HAVCR1: variants seen among roughly 807,000 people sequenced by gnomAD.
HAVCR1 encodes the protein T cell immunoglobin domain and mucin domain protein 1.
In HAVCR1, 34 loss-of-function variants were observed where a neutral mutation model predicts 32.0. That is an observed-to-expected ratio of 1.06 (90% CI 0.81 to 1.42). The LOEUF is 1.42. Among genes scored for constraint, HAVCR1 ranks in the 40% most tolerant of loss-of-function variants. HAVCR1 has a pLI of 0.00. For synonymous variants in HAVCR1, 178 were observed against 170.3 expected (o/e 1.05, Z -0.35); for missense variants, 420 against 442.3 (o/e 0.95, Z 0.45).
chr5:157,068,049 A>G, the HAVCR1 span, among the ~76,000 whole-genome samples: 1 of 152,026 alleles, frequency 6.6e-6, no homozygotes, highest in Non-Finnish European at 1.5e-5. Flanking sequence ...AGGTAGACAG[A>G]TCACTTGAGG....
chr5:157,049,512 C>G (rs998096787), intron 4 of HAVCR1, among the ~76,000 whole-genome samples: 3 of 152,114 alleles, frequency 2.0e-5, no homozygotes, highest in African/African-American at 7.2e-5. Context: ...GTAGAATACC[C>G]AATTAAGCTT....
In HAVCR1 at chr5:157,048,556, C is replaced by T. The variant is rs554100686; in HGVS notation, c.781+482G>A. On this transcript the variant is annotated intron_variant, in intron 5 of 8. Coordinates refer to ENST00000523175, the MANE Select transcript of HAVCR1 (RefSeq NM_001173393.3). ...TTTTACAAATGACAAAACAGCTGGG[C>T]ACGGTGGCTGATGCCTGTAATCCCA... Among the ~76,000 whole-genome samples the T allele has an allele frequency of 2.0e-5, 3 of 152,308 alleles. No homozygotes were observed. In the East Asian group the frequency reaches 5.8e-4, roughly 29 times the overall value.
In HAVCR1 at chr5:157,055,219, A is replaced by G. The variant is rs1190295106; in HGVS notation, c.361T>C (p.Ser121Pro). 12 of 1,550,874 alleles carry G rather than the reference A, an allele frequency of 7.7e-6. No individual in the cohort carries two copies. The highest frequency in any genetic ancestry group is 1.4e-5 in the African/African-American group (1 of 73,508). ...AACTTACGTGGCACAATCTCCAATGATACGGTGATTTTCATGTCATTGAAC... is the reference window on the plus strand; with the variant it reads ...AACTTACGTGGCACAATCTCCAATGGTACGGTGATTTTCATGTCATTGAAC... The part of the protein sequence containing the change: ...GWFNDMKITV[S>P]LEIVPPKVTT... The change falls in exon 3 of 9, where the codon TCA becomes CCA. Residue 121 changes from serine (S) to proline (P), a missense_variant. Physicochemically the swap from Ser to Pro is moderately conservative, Grantham distance 74. Transcript: ENST00000523175.
chr5:157,055,572 C>T, intron 2 of HAVCR1, 39 bp from the exon 3 acceptor site: 1 of 1,279,180 alleles, frequency 7.8e-7, no homozygotes, highest in South Asian at 1.4e-5. Flanking sequence ...TGAGCCCTCA[C>T]TATTTCATCT....
At position 157,032,842 on chromosome 5, in the gene HAVCR1, T is replaced by G. The variant is rs1216231012; in HGVS notation, c.986+12A>C. On this transcript the variant is annotated intron_variant, in intron 8 of 8. Transcript: ENST00000523175. Reference sequence around the variant, plus strand: ...ACCTCAAAAGTATTGATAGAAATATTTTCGAGCTTACCTTAGTTGTTGAAC... The same window carrying G: ...ACCTCAAAAGTATTGATAGAAATATGTTCGAGCTTACCTTAGTTGTTGAAC... The G allele has an allele frequency of 2.7e-6, 4 of 1,493,598 alleles. 1 individual carries two copies. Among genetic ancestry groups the G allele is most frequent in the Non-Finnish European group, 3.7e-6 (4 of 1,073,592 alleles). The allele number at this position is 1,493,598 out of a possible 1,614,324, so 92.5% of individuals were successfully genotyped here.
intron 3 of HAVCR1, among the ~76,000 whole-genome samples, chr5:157,054,190 C>CAAAAAAAAA (rs900551230): frequency 2.4e-5 from 1 of 42,210 alleles, no homozygotes; most frequent in African/African-American, 8.9e-5. Context: ...GACTCCATCT[C>CAAAAAAAAA]AAAAAAAAAA....
At position 157,043,301 on chromosome 5, in the gene HAVCR1, A is replaced by C. The variant is rs527998987; in HGVS notation, c.782-619T>G. 3.9e-5 allele frequency among the ~76,000 whole-genome samples: 6 copies of C among 152,330 alleles called. No individual in the cohort carries two copies. The East Asian group carries it at 1.2e-3, about 29-fold the overall frequency. On this transcript the variant is annotated intron_variant, in intron 5 of 8. Coordinates refer to ENST00000523175, the MANE Select transcript of HAVCR1 (RefSeq NM_001173393.3). The stretch of plus-strand genomic sequence containing the variant: ...GGATTAAGATTTTATGTAATATATA[A>C]GATACATTTCTCTTAGAGTTGAACA...
chr5:157,035,985 T>C (rs1358560647), intron 7 of HAVCR1, among the ~76,000 whole-genome samples: 2 of 152,188 alleles, frequency 1.3e-5, no homozygotes, highest in African/African-American at 4.8e-5. Context: ...CTTGAGCATC[T>C]GCAGATTTTG....
chr5:157,055,946 GTTTATTT>G (rs1397113894), intron 2 of HAVCR1, among the ~76,000 whole-genome samples: 1 of 150,168 alleles, frequency 6.7e-6, no homozygotes, highest in African/African-American at 2.4e-5. Context: ...TTTTTTAATT[GTTTATTT>G]TTTATTTTTT....
rs111844949 is a variant in HAVCR1 at position 157,036,228 on chromosome 5, CA to C, written c.952+1018del. On this transcript the variant is annotated intron_variant, in intron 7 of 8. Transcript: ENST00000523175. ...GCGTGGTGGCTCATGCCTGTAATCC[CA>C]GCACTTTGGGAGGCCAAGGCAGGCG... Among the ~76,000 whole-genome samples the C allele has an allele frequency of 8.6e-3, 1,303 of 152,084 alleles. 19 individuals carry two copies. The highest frequency in any genetic ancestry group is 0.029 in the African/African-American group (1,197 of 41,492).
intron 3 of HAVCR1, among the ~76,000 whole-genome samples, chr5:157,053,480 C>T (rs1755900312): frequency 6.6e-6 from 1 of 151,672 alleles, no homozygotes; most frequent in African/African-American, 2.4e-5. Flanking sequence ...ATTAAAATTC[C>T]TCTTAATTAA....
At chr5:157,044,468 AAAGGAAGGAAGGAAGGAAGGAAGG>A (rs201451883) in intron 5 of HAVCR1, among the ~76,000 whole-genome samples, 4,314 of 62,720 alleles carry the variant, frequency 0.069, 416 homozygotes, top group Middle Eastern at 0.15. Context: ...AGAAAGAAAG[AAAGGAAGGAAGGAAGGAAGGAAGG>A]AAGGAAGGAA....
chr5:157,067,845 T>C, the HAVCR1 span, among the ~76,000 whole-genome samples: 1 of 152,086 alleles, frequency 6.6e-6, no homozygotes, highest in Admixed American at 6.5e-5. Flanking sequence ...CCCAGCTAAT[T>C]TTTTGTATTT....
At chr5:157,051,507 C>T (rs1277441140) in intron 4 of HAVCR1, among the ~76,000 whole-genome samples, 4 of 152,122 alleles carry the variant, frequency 2.6e-5, no homozygotes, top group African/African-American at 4.8e-5. Flanking sequence ...AAACGTGACT[C>T]GACCACTTTC....
chr5:157,053,688 G>C (rs903540534), intron 3 of HAVCR1, among the ~76,000 whole-genome samples: 6 of 151,390 alleles, frequency 4.0e-5, no homozygotes, highest in Non-Finnish European at 5.9e-5. Context: ...TGGCCAACAT[G>C]ATGAAACCCC....
At chr5:157,062,460 G>A (rs191225162), upstream of HAVCR1, among the ~76,000 whole-genome samples, 37 of 152,244 alleles carry the variant, frequency 2.4e-4, no homozygotes, top group East Asian at 6.4e-3. Context: ...AGCGCACATC[G>A]TACCTCCAGC....
At position 157,058,313 on chromosome 5, in the gene HAVCR1, T is replaced by C. The variant is rs149029649; in HGVS notation, c.-12-358A>G. 3.0e-3 allele frequency: 526 copies of C among 174,172 alleles called. 3 individuals are homozygous for C. Among genetic ancestry groups the C allele is most frequent in the Middle Eastern group, 0.028 (11 of 388 alleles). 10.8% of individuals were successfully genotyped at this position (174,172 alleles called of 1,614,324 possible). A position where few individuals can be genotyped will look rare whatever the true frequency, so the allele number is the denominator to read the frequency against. On this transcript the variant is annotated intron_variant, in intron 1 of 8. Coordinates refer to ENST00000523175, the MANE Select transcript of HAVCR1 (RefSeq NM_001173393.3). ...GCGCGGTGGCTCAAACCTGTAATCC[T>C]AGCACTTTGGGAGGCCAAGGCGGGC...
intron 7 of HAVCR1, among the ~76,000 whole-genome samples, chr5:157,034,953 A>C (rs929518083): frequency 4.6e-5 from 7 of 152,068 alleles, no homozygotes; most frequent in Admixed American, 1.3e-4. Flanking sequence ...CTACATAGAC[A>C]CAGTAACAGT....
chr5:157,038,901 A>C (rs1407502178), intron 6 of HAVCR1, among the ~76,000 whole-genome samples: 1 of 152,228 alleles, frequency 6.6e-6, no homozygotes, highest in East Asian at 1.9e-4. Context: ...AGGCTAAGGC[A>C]GGAGGATAGC....
Sources: gnomAD v4.1 joint callset for allele counts (sites outside exome capture counted in the v4.1 genomes callset) on GRCh38, gnomAD v4.1.1 for gene constraint, MANE v1.5 for transcripts, NCBI Gene and HGNC (gene_info 2026-07-23, HGNC 2026-07-21) for gene names.